The following UGT2B4 variants were observed in gnomAD, a reference collection of about 807,000 sequenced individuals.
The protein encoded by UGT2B4 is UDP glucuronosyltransferase family 2 member B4, also known as UDP-glucuronosyltransferase 2B4.
A neutral mutation model predicts 49.8 loss-of-function variants in UGT2B4; 49 were observed. That is an observed-to-expected ratio of 0.98 (90% CI 0.78 to 1.25). UGT2B4 has a LOEUF of 1.25. Among genes scored for constraint, UGT2B4 ranks in the 50% most tolerant of loss-of-function variants. The probability of loss-of-function intolerance (pLI) is 0.00; values close to 1 mark genes in which losing one functional copy is unlikely to be tolerated. For missense variants in UGT2B4, 729 were observed against 627.7 expected (o/e 1.16, Z -1.73); for synonymous variants, 246 against 217.7 (o/e 1.13, Z -1.14).
At chr4:69,499,442 G>A (rs570214187), upstream of UGT2B4, among the ~76,000 whole-genome samples, 2 of 152,256 alleles carry the variant, frequency 1.3e-5, no homozygotes, top group East Asian at 3.9e-4. Flanking sequence ...TTGAAACTCT[G>A]TCTAATATTG....
intron 2 of UGT2B4, among the ~76,000 whole-genome samples, chr4:69,489,980 T>C (rs1727931677): frequency 6.6e-6 from 1 of 152,150 alleles, no homozygotes; most frequent in Non-Finnish European, 1.5e-5. Flanking sequence ...TTCTACAGAA[T>C]TATTTTAGTT....
chr4:69,525,943 T>C (rs1728973747), exon 1 of UGT2B4: 2 of 190,540 alleles, frequency 1.0e-5, no homozygotes, highest in South Asian at 1.5e-4. Context: ...CTACTAAAAA[T>C]ACAAAAAATT....
intron 1 of UGT2B4, among the ~76,000 whole-genome samples, chr4:69,516,187 T>C (rs1728728181): frequency 6.6e-6 from 1 of 152,250 alleles, no homozygotes; most frequent in Non-Finnish European, 1.5e-5. Context: ...TTCCTGTTTA[T>C]GGCTACACGG....
rs948371937 is a variant in UGT2B4, at chr4:69,480,341, T to A, written c.*293A>T. On this transcript the variant is annotated 3_prime_UTR_variant, in exon 6 of 6. Coordinates refer to ENST00000305107, the MANE Select transcript of UGT2B4 (RefSeq NM_021139.3). Reference sequence around the variant, plus strand: ...CATGTAGTTAAGCTTAGTAAATTTTTTTTCATGTAACCTGTGAATTGGAAC... The same window carrying A: ...CATGTAGTTAAGCTTAGTAAATTTTATTTCATGTAACCTGTGAATTGGAAC... 7 of 297,226 alleles carry A rather than the reference T, an allele frequency of 2.4e-5. No individual in the cohort carries two copies. Among genetic ancestry groups the A allele is most frequent in the African/African-American group, 6.5e-5 (3 of 46,246 alleles). The allele number at this position is 297,226 out of a possible 1,614,324, so 18.4% of individuals were successfully genotyped here. A position where few individuals can be genotyped will look rare whatever the true frequency, so the allele number is the denominator to read the frequency against.
intron 1 of UGT2B4, 115 bp downstream of exon 1, chr4:69,495,026 G>C: frequency 1.0e-6 from 1 of 963,090 alleles, no homozygotes; most frequent in Non-Finnish European, 1.4e-6. Flanking sequence ...AATTTCATTT[G>C]ATAAATTCAT....
chr4:69,524,650 T>C (rs897196433), intron 1 of UGT2B4, among the ~76,000 whole-genome samples: 1 of 152,046 alleles, frequency 6.6e-6, no homozygotes, highest in African/African-American at 2.4e-5. Flanking sequence ...GGAAAAATCA[T>C]GTTAATAGAT....
intron 1 of UGT2B4, among the ~76,000 whole-genome samples, chr4:69,514,634 C>T (rs1292574176): frequency 6.6e-6 from 1 of 152,106 alleles, no homozygotes; most frequent in African/African-American, 2.4e-5. Flanking sequence ...GATAGGTTCC[C>T]TCAATATCTG....
intron 1 of UGT2B4, among the ~76,000 whole-genome samples, chr4:69,508,992 C>T (rs1391123732): frequency 6.6e-6 from 1 of 152,080 alleles, no homozygotes; most frequent in African/African-American, 2.4e-5. Context: ...TCTCTCTTTT[C>T]CTAGTCACTG....
chr4:69,489,501 T>A lies in UGT2B4; in HGVS notation c.940A>T (p.Ser314Cys). ...TTGGCCCTTTCTTCTGACGTGTTAC[T>A]GACCATCGACCCCAGAGAAAACACC... ...VVVFSLGSMV[S>C]NTSEERANVI... Residue 314 changes from serine to cysteine, a missense_variant, in exon 3 of 6, where the codon AGT (serine) becomes TGT (cysteine). Coordinates refer to ENST00000305107, the MANE Select transcript of UGT2B4 (RefSeq NM_021139.3). The A allele has an allele frequency of 6.2e-7, 1 of 1,612,098 alleles. No individual in the cohort carries two copies. Among genetic ancestry groups the A allele is most frequent in the Non-Finnish European group, 8.5e-7 (1 of 1,178,726 alleles).
chr4:69,496,902 A>G (rs2109816389), upstream of UGT2B4, among the ~76,000 whole-genome samples: 1 of 152,064 alleles, frequency 6.6e-6, no homozygotes, highest in South Asian at 2.1e-4. Flanking sequence ...TTCAAGATGA[A>G]ACTATTCCTA....
chr4:69,516,873 C>T (rs1243202589), intron 1 of UGT2B4, among the ~76,000 whole-genome samples: 2 of 140,014 alleles, frequency 1.4e-5, no homozygotes, highest in African/African-American at 2.7e-5. Context: ...CTCCCAAAGG[C>T]TTCTTTTTTT....
intron 1 of UGT2B4, among the ~76,000 whole-genome samples, chr4:69,502,091 C>CTTTCTTTCTCTTTCTT (rs1164693410): frequency 9.2e-6 from 1 of 108,418 alleles, no homozygotes; most frequent in Non-Finnish European, 2.0e-5. Flanking sequence ...TTCTTTCTCT[C>CTTTCTTTCTCTTTCTT]TCTTTCTTTC....
intron 1 of UGT2B4, 111 bp from the exon 2 acceptor site, chr4:69,493,952 C>A: frequency 8.0e-7 from 1 of 1,246,352 alleles, no homozygotes; most frequent in Non-Finnish European, 1.1e-6. Flanking sequence ...AGTGTTTGTG[C>A]CTTGAAAAAA....
chr4:69,502,480 C>G lies in UGT2B4; in HGVS notation c.-105-6514G>C, dbSNP rs146346426. On this transcript the variant is annotated intron_variant, in intron 1 of 1. Coordinates refer to the UGT2B4 transcript ENST00000510114. ...GGGCAGGCTGCCATCTTTGCTGTTT[C>G]TCATATTTCACTGGTAATACCTTCA... Among the ~76,000 whole-genome samples, 3 of 152,086 alleles carry G rather than the reference C, an allele frequency of 2.0e-5. 1 individual carries two copies. In the East Asian group the frequency reaches 5.9e-4, roughly 30 times the overall value.
intron 4 of UGT2B4, 29 bp downstream of exon 4, chr4:69,486,580 T>C: frequency 7.0e-7 from 1 of 1,429,326 alleles, no homozygotes; most frequent in Non-Finnish European, 9.6e-7. Context: ...GTTACTAATA[T>C]ATTCAGTATT....
At chr4:69,484,016 A>G (rs1727690735) in intron 5 of UGT2B4, among the ~76,000 whole-genome samples, 1 of 152,234 alleles carries the variant, frequency 6.6e-6, no homozygotes, top group Non-Finnish European at 1.5e-5. Flanking sequence ...ATTTTTCCAA[A>G]GAATGTATAT....
intron 1 of UGT2B4, among the ~76,000 whole-genome samples, chr4:69,524,874 A>G (rs910265090): frequency 1.3e-5 from 2 of 152,232 alleles, no homozygotes; most frequent in East Asian, 3.8e-4. Context: ...GGTGTGACAG[A>G]TAACATACAG....
chr4:69,520,995 A>G (rs910616816), intron 1 of UGT2B4, among the ~76,000 whole-genome samples: 4 of 152,152 alleles, frequency 2.6e-5, no homozygotes, highest in African/African-American at 9.7e-5. Context: ...CCATGGACCA[A>G]TCGGCAAGCA....
At chr4:69,497,794 T>A (rs1728204838), upstream of UGT2B4, among the ~76,000 whole-genome samples, 1 of 152,228 alleles carries the variant, frequency 6.6e-6, no homozygotes, top group Non-Finnish European at 1.5e-5. Context: ...TTCAGAGGAT[T>A]GATTCCAGTT....
Sources: allele counts gnomAD v4.1 joint callset (sites outside exome capture counted in the v4.1 genomes callset), GRCh38; gene constraint gnomAD v4.1.1; transcripts MANE v1.5; gene names NCBI Gene and HGNC (gene_info 2026-07-23, HGNC 2026-07-21).